The following EYS variants were observed in gnomAD, a reference collection of about 807,000 sequenced individuals.
EYS encodes the protein protein eyes shut homolog.
EYS carries 250 observed loss-of-function variants against 282.1 expected under a neutral mutation model. The observed-to-expected ratio is 0.89, with a 90% CI of 0.80 to 0.98. EYS has a LOEUF of 0.98. Ranked by LOEUF, EYS falls within the 50% of genes least tolerant of loss-of-function variation. The probability of loss-of-function intolerance (pLI) is 0.00; values close to 1 mark genes in which losing one functional copy is unlikely to be tolerated. For missense variants in EYS, 4,016 were observed against 3,709.0 expected (o/e 1.08, Z -2.15); for synonymous variants, 1,355 against 1,282.9 (o/e 1.06, Z -1.20).
intron 19 of EYS, among the ~76,000 whole-genome samples, chr6:64,885,059 T>C (rs1206812232): frequency 6.6e-6 from 1 of 151,620 alleles, no homozygotes; most frequent in African/African-American, 2.4e-5. Flanking sequence ...TAATCATGAA[T>C]TAAAAACTAA....
intron 31 of EYS, among the ~76,000 whole-genome samples, chr6:64,126,455 A>C (rs151264948): frequency 6.6e-6 from 1 of 152,034 alleles, no homozygotes; most frequent in African/African-American, 2.4e-5. Flanking sequence ...CAGTTACTCC[A>C]GTATCAAATG....
intron 12 of EYS, among the ~76,000 whole-genome samples, chr6:65,245,646 A>T (rs1374382713): frequency 1.3e-5 from 2 of 151,906 alleles, no homozygotes; most frequent in African/African-American, 4.8e-5. Context: ...TCTAAATTAC[A>T]TTTTTACTAG....
In EYS at chr6:65,592,463, T is replaced by A. The variant is rs551401785; in HGVS notation, c.-333+47315A>T. The stretch of plus-strand genomic sequence containing the variant: ...TTTATTGCATTTTATTTACTTGAAA[T>A]AAATAAACAACTGAAATACAGGATG... On this transcript the variant is annotated intron_variant, in intron 2 of 42. Transcript: ENST00000503581. Among the ~76,000 whole-genome samples the A allele has an allele frequency of 1.9e-4, 29 of 152,022 alleles. No individual in the cohort carries two copies. In the East Asian group the frequency reaches 5.4e-3, roughly 28 times the overall value.
At chr6:65,234,399 G>A (rs192559877) in intron 12 of EYS, among the ~76,000 whole-genome samples, 148 of 152,278 alleles carry the variant, frequency 9.7e-4, no homozygotes, top group Non-Finnish European at 1.8e-3. Context: ...CAAAGTCTCA[G>A]ATTTCTTTGC....
intron 1 of EYS, among the ~76,000 whole-genome samples, chr6:65,680,147 A>G (rs1278932778): frequency 1.3e-5 from 2 of 151,526 alleles, no homozygotes; most frequent in Non-Finnish European, 2.9e-5. Flanking sequence ...TATAAGTTAC[A>G]TTGAAGTTAA....
intron 28 of EYS, among the ~76,000 whole-genome samples, chr6:64,402,790 A>G (rs1337624330): frequency 6.6e-6 from 1 of 152,212 alleles, no homozygotes; most frequent in Non-Finnish European, 1.5e-5. Flanking sequence ...TTTAGGGTAC[A>G]TACTCTTAAG....
intron 2 of EYS, among the ~76,000 whole-genome samples, chr6:65,575,205 TA>T (rs1764618695): frequency 6.6e-6 from 1 of 151,914 alleles, no homozygotes; most frequent in African/African-American, 2.4e-5. Flanking sequence ...TGCACACTTG[TA>T]ACCCCACCTA....
Position 64,225,654 on chromosome 6 carries a change from C to T in EYS, c.6424+4938G>A, listed in dbSNP as rs116073813. Among the ~76,000 whole-genome samples the T allele has an allele frequency of 7.7e-3, 1,170 of 152,212 alleles. 16 individuals carry two copies. The highest frequency in any genetic ancestry group is 0.026 in the African/African-American group (1,085 of 41,566). On this transcript the variant is annotated intron_variant, in intron 31 of 42. Coordinates refer to ENST00000503581, the MANE Select transcript of EYS (RefSeq NM_001142800.2). ...ACTCCAGTAAGGAACACATCCCTGT[C>T]AAAACCTTGATTTAAGCTCACTGAG...
intron 26 of EYS, among the ~76,000 whole-genome samples, chr6:64,563,891 A>C (rs1447482016): frequency 6.6e-6 from 1 of 151,974 alleles, no homozygotes; most frequent in Non-Finnish European, 1.5e-5. Context: ...AATATCTACC[A>C]GTTTTTATTT....
In EYS at chr6:64,011,475, A is replaced by T. The variant is rs1768624807; in HGVS notation, c.6726-12292T>A. Among the ~76,000 whole-genome samples, 4 of 152,092 alleles carry T rather than the reference A, an allele frequency of 2.6e-5. No individual in the cohort carries two copies. The South Asian group carries it at 8.3e-4, about 31-fold the overall frequency. On this transcript the variant is annotated intron_variant, in intron 33 of 42. Transcript: ENST00000503581. ...TGCAGTCTTTAAATTTGGAAGGACT[A>T]ATTTCTTTGGCTTTTCTATCTCAGG...
At chr6:64,449,678 C>T (rs1208757414) in intron 26 of EYS, among the ~76,000 whole-genome samples, 3 of 151,970 alleles carry the variant, frequency 2.0e-5, no homozygotes, top group Non-Finnish European at 4.4e-5. Context: ...CTCTACAAGC[C>T]AGAAGAGAGT....
chr6:65,682,887 T>C (rs144715415), intron 1 of EYS, among the ~76,000 whole-genome samples: 1 of 152,106 alleles, frequency 6.6e-6, no homozygotes, highest in Non-Finnish European at 1.5e-5. Flanking sequence ...TGAGAGTGGC[T>C]AGAATTACCT....
At chr6:65,398,367 T>C (rs560324979) in intron 7 of EYS, among the ~76,000 whole-genome samples, 14 of 151,820 alleles carry the variant, frequency 9.2e-5, no homozygotes, top group Non-Finnish European at 1.8e-4. Flanking sequence ...AAAATATACA[T>C]TGGGGAAAGA....
chr6:64,564,741 A>G (rs578222521), intron 26 of EYS, among the ~76,000 whole-genome samples: 151 of 151,944 alleles, frequency 9.9e-4, no homozygotes, highest in Non-Finnish European at 1.8e-3. Context: ...GAAAAATGAG[A>G]ACACATGGAC....
At chr6:65,196,514 T>C (rs1765769784) in intron 12 of EYS, among the ~76,000 whole-genome samples, 2 of 152,100 alleles carry the variant, frequency 1.3e-5, no homozygotes, top group South Asian at 2.1e-4. Flanking sequence ...AGGGCAATCA[T>C]TCAATCAACA....
chr6:65,484,110 G>A (rs1028729067), intron 5 of EYS, among the ~76,000 whole-genome samples: 1 of 150,730 alleles, frequency 6.6e-6, no homozygotes, highest in African/African-American at 2.5e-5. Flanking sequence ...TACACATTTG[G>A]CACAGGCTGT....
intron 7 of EYS, among the ~76,000 whole-genome samples, chr6:65,393,169 T>C (rs952696080): frequency 4.6e-4 from 69 of 151,118 alleles, no homozygotes; most frequent in African/African-American, 1.7e-3. Context: ...CTGGGGACTG[T>C]TGTGGGGTGG....
intron 22 of EYS, among the ~76,000 whole-genome samples, chr6:64,711,517 A>G (rs1411253294): frequency 6.6e-6 from 1 of 152,248 alleles, no homozygotes; most frequent in African/African-American, 2.4e-5. Context: ...TGCTATGACC[A>G]TGACCATTAA....
intron 31 of EYS, among the ~76,000 whole-genome samples, chr6:64,099,939 TTTGA>T (rs1253316189): frequency 6.6e-6 from 1 of 152,202 alleles, no homozygotes; most frequent in Non-Finnish European, 1.5e-5. Context: ...TCTTTTCCTT[TTTGA>T]TTATTTGAGA....
Sources: allele counts gnomAD v4.1 joint callset (sites outside exome capture counted in the v4.1 genomes callset), GRCh38; gene constraint gnomAD v4.1.1; transcripts MANE v1.5; gene names NCBI Gene and HGNC (gene_info 2026-07-23, HGNC 2026-07-21).